The following DMD variants were observed in gnomAD, a reference collection of about 807,000 sequenced individuals.
DMD encodes the protein dystrophin.
Under a neutral mutation model 330.1 loss-of-function variants are expected in DMD, and 63 were observed. The observed-to-expected ratio is 0.19, with a 90% CI of 0.16 to 0.24. The LOEUF is 0.24. Among genes scored for constraint, DMD ranks in the 10% least tolerant of loss-of-function variants. The pLI is 1.00. For missense variants in DMD, 3,344 were observed against 2,684.1 expected, an observed-to-expected ratio of 1.25 and a Z score of -5.43; for synonymous variants, 1,223 against 959.8, an observed-to-expected ratio of 1.27 and a Z score of -5.07.
chrX:32,804,685 C>A (rs926787650), intron 7 of DMD, among the ~76,000 whole-genome samples: 3 of 112,389 alleles, frequency 2.7e-5, no homozygotes, highest in Non-Finnish European at 5.6e-5. Flanking sequence ...CTAGGAGATG[C>A]CTCCCAGCAG....
chrX:32,964,142 G>A (rs752147615), intron 2 of DMD, among the ~76,000 whole-genome samples: 1 of 106,033 alleles, frequency 9.4e-6, no homozygotes, highest in Admixed American at 1.0e-4. Flanking sequence ...TGTAGTCCCA[G>A]CTATTCGGGA....
chrX:32,446,129 G>A (rs1251711522), intron 27 of DMD, among the ~76,000 whole-genome samples: 3 of 110,513 alleles, frequency 2.7e-5, no homozygotes, highest in Non-Finnish European at 5.7e-5. Flanking sequence ...AAGAGATTGG[G>A]AAAAAGAAAA....
At chrX:32,946,961 T>C (rs933222979) in intron 2 of DMD, among the ~76,000 whole-genome samples, 2 of 112,421 alleles carry the variant, frequency 1.8e-5, no homozygotes, top group East Asian at 5.6e-4. Context: ...CAGAGGACCA[T>C]TGAGCTTGTT....
chrX:32,798,716 A>G (rs944172259), intron 7 of DMD, among the ~76,000 whole-genome samples: 1 of 112,005 alleles, frequency 8.9e-6, no homozygotes, highest in Non-Finnish European at 1.9e-5. Context: ...AATACCGTAT[A>G]TAGAGAAGGA....
intron 6 of DMD, among the ~76,000 whole-genome samples, chrX:32,814,247 A>G (rs1368967407): frequency 3.6e-5 from 4 of 112,411 alleles, no homozygotes; most frequent in African/African-American, 6.5e-5. Flanking sequence ...TTTTGTACAT[A>G]TTTCTAAGCA....
At chrX:32,498,231 T>C (rs2043692968) in intron 19 of DMD, among the ~76,000 whole-genome samples, 1 of 111,345 alleles carries the variant, frequency 9.0e-6, no homozygotes, top group Non-Finnish European at 1.9e-5. Context: ...TATCCAAAAA[T>C]GTCTCTAGTA....
chrX:31,171,608 G>A (rs1220105688), intron 73 of DMD, among the ~76,000 whole-genome samples: 1 of 110,801 alleles, frequency 9.0e-6, no homozygotes, highest in East Asian at 2.8e-4. Context: ...TCTACCTCAA[G>A]CCCCGGTCAG....
intron 47 of DMD, among the ~76,000 whole-genome samples, chrX:31,880,006 TG>T (rs1260573601): frequency 4.5e-5 from 5 of 112,090 alleles, no homozygotes; most frequent in African/African-American, 1.3e-4. Context: ...TTCCCTTATG[TG>T]TTAATTTAGT....
chrX:32,026,109 T>C (rs923976906), intron 44 of DMD, among the ~76,000 whole-genome samples: 1 of 111,810 alleles, frequency 8.9e-6, no homozygotes, highest in African/African-American at 3.3e-5. Flanking sequence ...TAGAGAAAAA[T>C]GCATGTCTGG....
chrX:31,738,563 C>A (rs2087046852), intron 51 of DMD, among the ~76,000 whole-genome samples: 2 of 112,087 alleles, frequency 1.8e-5, no homozygotes, highest in South Asian at 7.5e-4. Context: ...ATATAGCATT[C>A]CCGCTGCTGG....
At chrX:33,081,898 A>T (rs149633113) in intron 1 of DMD, among the ~76,000 whole-genome samples, 42 of 110,792 alleles carry the variant, frequency 3.8e-4, no homozygotes, top group African/African-American at 1.3e-3. Context: ...AAAACAGAGC[A>T]GAGTCTTTGA....
At chrX:32,099,552 C>T (rs2096529043) in intron 44 of DMD, among the ~76,000 whole-genome samples, 1 of 109,007 alleles carries the variant, frequency 9.2e-6, no homozygotes, top group Non-Finnish European at 1.9e-5. Context: ...CCATGGAATA[C>T]TATGCAGCCA....
rs1247357855 is a variant in DMD, at chrX:32,456,955, T to A, written c.3433-2123A>T. 2.0e-4 allele frequency among the ~76,000 whole-genome samples: 9 copies of A among 44,705 alleles called. 1 individual carries two copies. The South Asian group carries it at 0.01, about 50-fold the overall frequency. 38.8% of individuals were successfully genotyped at this position (44,705 alleles called of 115,157 possible). A position where few individuals can be genotyped will look rare whatever the true frequency, so the allele number is the denominator to read the frequency against. Reference sequence around the variant, plus strand: ...TAGGATCATTAGAAAGGGTCCAGATTGTTAAAAAAAAAAAAAAAAAAAACT... The same window carrying A: ...TAGGATCATTAGAAAGGGTCCAGATAGTTAAAAAAAAAAAAAAAAAAAACT... On this transcript the variant is annotated intron_variant, in intron 25 of 78. Coordinates refer to ENST00000357033, the MANE Select transcript of DMD (RefSeq NM_004006.3).
intron 52 of DMD, among the ~76,000 whole-genome samples, chrX:31,684,789 T>G (rs1236765644): frequency 8.9e-6 from 1 of 111,984 alleles, no homozygotes; most frequent in Admixed American, 9.5e-5. Flanking sequence ...GTCATGCTAT[T>G]TAATTCCTGA....
At position 32,010,855 on chromosome X, in the gene DMD, T is replaced by A. The variant is rs1289380042; in HGVS notation, c.6439-42341A>T. Among the ~76,000 whole-genome samples the A allele has an allele frequency of 3.6e-5, 4 of 112,302 alleles. No homozygotes were observed. In the East Asian group the frequency reaches 1.1e-3, roughly 32 times the overall value. ...TGAAGTACAGGGACTGTCTTATTCC[T>A]AATTAGAGTTTCTGTATCTTGCTTC... On this transcript the variant is annotated intron_variant, in intron 44 of 78. Transcript: ENST00000357033.
chrX:32,905,926 A>G (rs922501207), intron 2 of DMD, among the ~76,000 whole-genome samples: 2 of 111,966 alleles, frequency 1.8e-5, no homozygotes. Flanking sequence ...AAAACCACCC[A>G]GAGTTGAGAA....
intron 17 of DMD, among the ~76,000 whole-genome samples, chrX:32,541,813 G>A (rs228360): frequency 0.23 from 23,652 of 104,557 alleles, 2,114 homozygotes; most frequent in East Asian, 0.33. Flanking sequence ...TAAAAGTTGG[G>A]AAAAAAAAAA....
chrX:31,272,155 C>T (rs2051685664), intron 62 of DMD, among the ~76,000 whole-genome samples: 1 of 111,593 alleles, frequency 9.0e-6, no homozygotes, highest in South Asian at 3.8e-4. Context: ...TTCACTCTCA[C>T]ACAGTTTTCT....
intron 44 of DMD, among the ~76,000 whole-genome samples, chrX:32,175,371 C>A (rs1240605563): frequency 9.0e-6 from 1 of 110,561 alleles, no homozygotes; most frequent in Non-Finnish European, 1.9e-5. Context: ...GAAAAAAGGG[C>A]ACTCTGATAG....
Sources: gnomAD v4.1 joint callset for allele counts (sites outside exome capture counted in the v4.1 genomes callset) on GRCh38, gnomAD v4.1.1 for gene constraint, MANE v1.5 for transcripts, NCBI Gene and HGNC (gene_info 2026-07-23, HGNC 2026-07-21) for gene names.